Variants in MTMR7 observed in about 807,000 individuals in gnomAD.
The protein encoded by MTMR7 is myotubularin related protein 7.
MTMR7 carries 76 observed loss-of-function variants against 81.2 expected under a neutral mutation model. That is an observed-to-expected ratio of 0.94 (90% CI 0.78 to 1.13). The LOEUF is 1.13. Among genes scored for constraint, MTMR7 ranks in the 50% most tolerant of loss-of-function variants. The pLI is 0.00. For missense variants in MTMR7, 1,044 were observed against 820.0 expected (o/e 1.27, Z -3.34); for synonymous variants, 372 against 289.8 (o/e 1.28, Z -2.88).
At chr8:17,363,643 A>G (rs982572338) in intron 3 of MTMR7, among the ~76,000 whole-genome samples, 4 of 152,108 alleles carry the variant, frequency 2.6e-5, no homozygotes, top group South Asian at 2.1e-4. Flanking sequence ...CTTATGCCCA[A>G]TTTAAGGAAA....
At chr8:17,310,288 A>T (rs575755780) in intron 9 of MTMR7, among the ~76,000 whole-genome samples, 34 of 152,240 alleles carry the variant, frequency 2.2e-4, no homozygotes, top group Non-Finnish European at 4.6e-4. Context: ...GGTGTGAGCT[A>T]CCACACCCAG....
At chr8:17,326,114 A>C (rs2150520025) in intron 7 of MTMR7, among the ~76,000 whole-genome samples, 1 of 152,316 alleles carries the variant, frequency 6.6e-6, no homozygotes, top group Non-Finnish European at 1.5e-5. Context: ...CTAGGACTTC[A>C]CACACTGAGG....
intron 1 of MTMR7, among the ~76,000 whole-genome samples, chr8:17,398,145 C>A (rs1821316858): frequency 6.6e-6 from 1 of 152,088 alleles, no homozygotes; most frequent in African/African-American, 2.4e-5. Flanking sequence ...CAGGTACCAA[C>A]AAACATCCAC....
intron 2 of MTMR7, among the ~76,000 whole-genome samples, chr8:17,372,746 C>G (rs879464488): frequency 6.6e-6 from 1 of 151,816 alleles, no homozygotes; most frequent in Admixed American, 6.6e-5. Flanking sequence ...ATAAAATGAC[C>G]AAATGGCTGC....
intron 7 of MTMR7, among the ~76,000 whole-genome samples, chr8:17,324,879 CTG>C (rs1818594143): frequency 6.6e-6 from 1 of 152,266 alleles, no homozygotes; most frequent in East Asian, 1.9e-4. Context: ...TGGTTAAAAA[CTG>C]AGACTACAGA....
chr8:17,348,535 G>A (rs1433851174), intron 5 of MTMR7, among the ~76,000 whole-genome samples: 3 of 127,974 alleles, frequency 2.3e-5, no homozygotes, highest in Admixed American at 8.5e-5. Context: ...AGGTGACAGA[G>A]TGAGACTCTG....
chr8:17,406,785 T>A (rs1279286255), intron 1 of MTMR7, among the ~76,000 whole-genome samples: 1 of 151,978 alleles, frequency 6.6e-6, no homozygotes, highest in African/African-American at 2.4e-5. Flanking sequence ...ACAGAACAGA[T>A]AAAACGAAAT....
chr8:17,343,190 G>C (rs943885710), intron 5 of MTMR7, among the ~76,000 whole-genome samples: 3 of 152,170 alleles, frequency 2.0e-5, no homozygotes, highest in East Asian at 1.9e-4. Flanking sequence ...ACTTTGGGAG[G>C]CCGAGGCGGG....
At chr8:17,352,618 A>T (rs556870481) in intron 4 of MTMR7, among the ~76,000 whole-genome samples, 1 of 152,332 alleles carries the variant, frequency 6.6e-6, no homozygotes, top group Non-Finnish European at 1.5e-5. Flanking sequence ...TATCAAACTT[A>T]AAAACTTTTA....
chr8:17,308,064 A>G (rs1279120769), intron 10 of MTMR7, among the ~76,000 whole-genome samples: 1 of 143,698 alleles, frequency 7.0e-6, no homozygotes, highest in African/African-American at 2.7e-5. Context: ...TAAAAATAAA[A>G]TGAGGAAGAA....
intron 7 of MTMR7, among the ~76,000 whole-genome samples, chr8:17,318,076 C>T (rs2150502500): frequency 6.6e-6 from 1 of 152,164 alleles, no homozygotes; most frequent in South Asian, 2.1e-4. Context: ...TAAAAAAAAT[C>T]CACTCATGCA....
intron 1 of MTMR7, among the ~76,000 whole-genome samples, chr8:17,382,644 T>C (rs891616736): frequency 2.0e-5 from 3 of 152,216 alleles, no homozygotes; most frequent in African/African-American, 4.8e-5. Flanking sequence ...ACAATCTTAG[T>C]GTCTCAAATG....
intron 4 of MTMR7, among the ~76,000 whole-genome samples, chr8:17,354,360 T>C (rs1669900049): frequency 2.6e-5 from 4 of 152,224 alleles, no homozygotes; most frequent in African/African-American, 7.2e-5. Flanking sequence ...TTTTATATTT[T>C]ATTCCAAGAG....
intron 13 of MTMR7, chr8:17,301,602 T>C (rs375357255): frequency 2.0e-5 from 3 of 152,422 alleles, no homozygotes; most frequent in African/African-American, 7.2e-5. Flanking sequence ...AATAGACTAA[T>C]AGAATCCTAA....
intron 7 of MTMR7, among the ~76,000 whole-genome samples, chr8:17,314,588 C>T (rs1445916740): frequency 6.6e-6 from 1 of 152,192 alleles, no homozygotes; most frequent in Non-Finnish European, 1.5e-5. Context: ...AGAGGATTCA[C>T]TGTGATTTCC....
At position 17,384,701 on chromosome 8, in the gene MTMR7, C is replaced by A. The variant is rs535800132; in HGVS notation, c.25-11461G>T. On this transcript the variant is annotated intron_variant, in intron 1 of 13. Transcript: ENST00000180173. ...TGGTTTTTCCAATTTAAAAAGAAAG[C>A]ACTTTTTTCCTATTTACATAAAGTT... Among the ~76,000 whole-genome samples, 238 of 152,276 alleles carry A rather than the reference C, an allele frequency of 1.6e-3. 1 individual carries two copies. The highest frequency in any genetic ancestry group is 5.5e-3 in the African/African-American group (228 of 41,560).
intron 6 of MTMR7, among the ~76,000 whole-genome samples, chr8:17,339,309 T>A (rs1819340847): frequency 6.6e-6 from 1 of 152,210 alleles, no homozygotes; most frequent in Non-Finnish European, 1.5e-5. Flanking sequence ...ATTTAAAGCA[T>A]ACGACTCAAT....
At chr8:17,316,531 G>C (rs1818083486) in intron 7 of MTMR7, among the ~76,000 whole-genome samples, 2 of 150,786 alleles carry the variant, frequency 1.3e-5, no homozygotes, top group South Asian at 4.2e-4. Flanking sequence ...ATTTCTATAA[G>C]TGAAATGGGC....
intron 5 of MTMR7, among the ~76,000 whole-genome samples, chr8:17,343,025 T>G (rs1819448593): frequency 6.6e-6 from 1 of 152,090 alleles, no homozygotes; most frequent in Non-Finnish European, 1.5e-5. Context: ...GGGGTCCTGT[T>G]TCCTTTAATC....
Sources: allele counts gnomAD v4.1 joint callset (sites outside exome capture counted in the v4.1 genomes callset), GRCh38; gene constraint gnomAD v4.1.1; transcripts MANE v1.5; gene names NCBI Gene and HGNC (gene_info 2026-07-23, HGNC 2026-07-21).